CSMD1: variants seen among roughly 807,000 people sequenced by gnomAD.
CSMD1 encodes the protein CUB and sushi domain-containing protein 1.
Under a neutral mutation model 417.5 loss-of-function variants are expected in CSMD1, and 213 were observed. The ratio of observed to expected loss-of-function variants is 0.51; its 90% CI spans 0.46 to 0.57. The LOEUF is 0.57. CSMD1 is among the 20% of genes least tolerant of loss of function. CSMD1 has a pLI of 0.00. For missense variants in CSMD1, 6,923 were observed against 4,529.7 expected, an observed-to-expected ratio of 1.53 and a Z score of -15.17; for synonymous variants, 2,862 against 1,736.8, an observed-to-expected ratio of 1.65 and a Z score of -16.11.
chr8:3,371,553 A>G (rs1585067274), intron 18 of CSMD1, among the ~76,000 whole-genome samples: 1 of 152,142 alleles, frequency 6.6e-6, no homozygotes, highest in South Asian at 2.1e-4. Context: ...GGTAAGATGA[A>G]CTATCATGAA....
chr8:3,285,511 C>A (rs1022522033), intron 25 of CSMD1, among the ~76,000 whole-genome samples: 6 of 151,864 alleles, frequency 4.0e-5, no homozygotes, highest in African/African-American at 1.5e-4. Flanking sequence ...CTCAGCCTCC[C>A]AAGAAGCTAG....
chr8:4,063,727 G>C (rs1423658603), intron 3 of CSMD1, among the ~76,000 whole-genome samples: 5 of 152,128 alleles, frequency 3.3e-5, no homozygotes, highest in Non-Finnish European at 4.4e-5. Flanking sequence ...CACTGCCTTA[G>C]AAATGGGAAG....
chr8:4,752,583 A>G (rs1811403023), intron 1 of CSMD1, among the ~76,000 whole-genome samples: 1 of 152,222 alleles, frequency 6.6e-6, no homozygotes, highest in Admixed American at 6.5e-5. Flanking sequence ...AGTGAATTAA[A>G]TGCATGAGTG....
chr8:3,194,952 A>C lies in CSMD1; in HGVS notation c.5194+4762T>G, dbSNP rs1433707547. Reference sequence around the variant, plus strand: ...AACATGACTTGAAAAAGTCCTGGCCAATAGACATTTACAAGCTGGGCACTG... The same window carrying C: ...AACATGACTTGAAAAAGTCCTGGCCCATAGACATTTACAAGCTGGGCACTG... On this transcript the variant is annotated intron_variant, in intron 33 of 69. Coordinates refer to ENST00000635120, the MANE Select transcript of CSMD1 (RefSeq NM_033225.6). 4.6e-5 allele frequency among the ~76,000 whole-genome samples: 7 copies of C among 152,098 alleles called. No individual in the cohort carries two copies. The South Asian group carries it at 1.2e-3, about 27-fold the overall frequency.
At chr8:3,470,252 A>G (rs1295634535) in intron 11 of CSMD1, among the ~76,000 whole-genome samples, 2 of 152,166 alleles carry the variant, frequency 1.3e-5, no homozygotes, top group African/African-American at 4.8e-5. Context: ...TATTCATGTT[A>G]TTGTTTGTAG....
rs543127834 is a variant in CSMD1, at chr8:3,536,841, G to A, written c.1344+38104C>T. 7.2e-5 allele frequency among the ~76,000 whole-genome samples: 11 copies of A among 152,234 alleles called. 1 individual carries two copies. Among genetic ancestry groups the A allele is most frequent in the Admixed American group, 3.3e-4 (5 of 15,302 alleles). On this transcript the variant is annotated intron_variant, in intron 10 of 69. Coordinates refer to ENST00000635120, the MANE Select transcript of CSMD1 (RefSeq NM_033225.6). ...GCCATCCTTGGGTGTTCGGTCCCAC[G>A]GTCCGTGTTCTGTGGCTCAGATAAG...
chr8:3,241,251 C>A (rs147084459), intron 26 of CSMD1, among the ~76,000 whole-genome samples: 1 of 147,432 alleles, frequency 6.8e-6, no homozygotes, highest in Non-Finnish European at 1.5e-5. Context: ...ATTGTCTAAG[C>A]TGGCACCAGA....
Position 3,387,524 on chromosome 8 carries a change from G to T in CSMD1, c.2752C>A (p.Gln918Lys), listed in dbSNP as rs1419936138. Residue 918 changes from glutamine (Q) to lysine (K), a missense_variant, in exon 18 of 70, where the codon CAG (glutamine) becomes AAG (lysine). Gln to Lys is a moderately conservative substitution (Grantham distance 53). Coordinates refer to ENST00000635120, the MANE Select transcript of CSMD1 (RefSeq NM_033225.6). Reference protein sequence around the residue: ...DEPLVCERNHQWNHALPSCDA... With the variant: ...DEPLVCERNHKWNHALPSCDA... ...CAGCTGGGCAAGGCGTGGTTCCACT[G>T]GTGGTTCCTCTCACAGACGAGGGGC... 1 of 1,602,316 alleles carries T rather than the reference G, an allele frequency of 6.2e-7. No homozygotes were observed. Among genetic ancestry groups the T allele is most frequent in the Non-Finnish European group, 8.5e-7 (1 of 1,174,382 alleles).
chr8:3,893,471 A>G (rs1039830064), intron 5 of CSMD1, among the ~76,000 whole-genome samples: 14 of 151,130 alleles, frequency 9.3e-5, no homozygotes. Context: ...TGCAAAGGAT[A>G]AAGCAAAAGC....
intron 1 of CSMD1, among the ~76,000 whole-genome samples, chr8:4,779,820 G>T (rs916315658): frequency 6.6e-6 from 1 of 152,166 alleles, no homozygotes; most frequent in Non-Finnish European, 1.5e-5. Context: ...GGGCCTGGAA[G>T]CCTGCTAAGC....
chr8:3,186,324 G>T (rs1376749385), intron 36 of CSMD1, among the ~76,000 whole-genome samples: 1 of 152,138 alleles, frequency 6.6e-6, no homozygotes, highest in East Asian at 1.9e-4. Flanking sequence ...GGGATTTCCT[G>T]GTGGAGATGG....
chr8:3,620,060 C>T (rs998514794), intron 7 of CSMD1, among the ~76,000 whole-genome samples: 5 of 152,156 alleles, frequency 3.3e-5, no homozygotes, highest in African/African-American at 1.2e-4. Context: ...TGAGACTGTG[C>T]CCCTGCATTC....
At chr8:4,721,714 C>A (rs1253983617) in intron 1 of CSMD1, among the ~76,000 whole-genome samples, 2 of 151,980 alleles carry the variant, frequency 1.3e-5, no homozygotes, top group African/African-American at 4.8e-5. Flanking sequence ...TATCTAAAAC[C>A]AAAGGAAATG....
intron 3 of CSMD1, among the ~76,000 whole-genome samples, chr8:4,182,106 G>A (rs1013981616): frequency 6.6e-6 from 1 of 151,694 alleles, no homozygotes; most frequent in African/African-American, 2.4e-5. Flanking sequence ...GCATTTCAAT[G>A]CTAAAACTTA....
At chr8:3,816,605 A>C (rs1476587860) in intron 5 of CSMD1, among the ~76,000 whole-genome samples, 1 of 152,226 alleles carries the variant, frequency 6.6e-6, no homozygotes, top group Non-Finnish European at 1.5e-5. Flanking sequence ...TGCAGTTCAC[A>C]ATAATGTACC....
At position 3,367,045 on chromosome 8, in the gene CSMD1, A is replaced by G. The variant is rs771121272; in HGVS notation, c.3102T>C (p.Asn1034=). Residue 1034 remains asparagine, a synonymous_variant, in exon 20 of 70, where the codon AAT becomes AAC. Coordinates refer to ENST00000635120, the MANE Select transcript of CSMD1 (RefSeq NM_033225.6). ...SDFSISYEGF[N]ITFSEYDLEP... ...AGACCAACATACCTGAAAATGTGATATTGAAGCCCTCGTACGAAATTGAGA... is the reference window on the plus strand; with the variant it reads ...AGACCAACATACCTGAAAATGTGATGTTGAAGCCCTCGTACGAAATTGAGA... 2 of 1,613,184 alleles carry G rather than the reference A, an allele frequency of 1.2e-6. No homozygotes were observed. The highest frequency in any genetic ancestry group is 1.7e-6 in the Non-Finnish European group (2 of 1,179,362).
chr8:3,344,023 G>C (rs564229196), intron 22 of CSMD1, among the ~76,000 whole-genome samples: 1 of 152,272 alleles, frequency 6.6e-6, no homozygotes, highest in East Asian at 1.9e-4. Context: ...TAATACAGAA[G>C]TGTGATGTTG....
chr8:4,668,596 T>C (rs973373760), intron 1 of CSMD1, among the ~76,000 whole-genome samples: 2 of 151,766 alleles, frequency 1.3e-5, no homozygotes, highest in Admixed American at 6.6e-5. Flanking sequence ...AATACAGGCG[T>C]CCGCCACCAC....
At position 3,714,872 on chromosome 8, in the gene CSMD1, G is replaced by A. The variant is rs1046361501; in HGVS notation, c.932-6381C>T. 1.4e-4 allele frequency among the ~76,000 whole-genome samples: 21 copies of A among 152,078 alleles called. 1 individual carries two copies. The highest frequency in any genetic ancestry group is 4.8e-4 in the African/African-American group (20 of 41,390). On this transcript the variant is annotated intron_variant, in intron 6 of 69. Coordinates refer to ENST00000635120, the MANE Select transcript of CSMD1 (RefSeq NM_033225.6). ...TCTCAGAGCTTTATCAATTTTTTAA[G>A]TGAAACATGTTTTGAACACAACACA...
Sources: gnomAD v4.1 joint callset for allele counts (sites outside exome capture counted in the v4.1 genomes callset) on GRCh38, gnomAD v4.1.1 for gene constraint, MANE v1.5 for transcripts, NCBI Gene and HGNC (gene_info 2026-07-23, HGNC 2026-07-21) for gene names.